The following CWH43 variants were observed in gnomAD, a reference collection of about 807,000 sequenced individuals.
CWH43 encodes PGAP2-interacting protein.
CWH43 carries 91 observed loss-of-function variants against 85.7 expected under a neutral mutation model. The ratio of observed to expected loss-of-function variants is 1.06; its 90% confidence interval spans 0.90 to 1.26. The LOEUF (loss-of-function observed/expected upper bound fraction) is 1.26. Among genes scored for constraint, CWH43 ranks in the 50% most tolerant of loss-of-function variants. CWH43 has a pLI of 0.00. For synonymous variants in CWH43, 323 were observed against 293.6 expected (o/e 1.10, Z -1.02); for missense variants, 869 against 839.2 (o/e 1.04, Z -0.44).
At chr4:49,011,686 A>G (rs1783365660) in intron 8 of CWH43, among the ~76,000 whole-genome samples, 2 of 152,098 alleles carry the variant, frequency 1.3e-5, no homozygotes, top group Admixed American at 1.3e-4. Flanking sequence ...GGTGGTGGCA[A>G]AATCTCTCAG....
intron 8 of CWH43, among the ~76,000 whole-genome samples, chr4:49,014,136 A>G (rs1166538560): frequency 6.6e-6 from 1 of 152,188 alleles, no homozygotes; most frequent in Non-Finnish European, 1.5e-5. Context: ...AAAAACCTTC[A>G]TATATGTTTC....
In CWH43 at chr4:49,032,565, G is replaced by A; in HGVS notation, c.1509-1G>A. 6.2e-7 allele frequency: 1 copy of A among 1,613,914 alleles called. No homozygotes were observed. Among genetic ancestry groups the A allele is most frequent in the Non-Finnish European group, 8.5e-7 (1 of 1,179,890 alleles). On this transcript the variant is annotated splice_acceptor_variant, in intron 11 of 15. Transcript: ENST00000226432. LOFTEE classifies it high-confidence loss of function. The stretch of plus-strand genomic sequence containing the variant: ...CCATGTCTCTTTTCATTCCAATACA[G>A]GATTATGGCTTTGTCAAGATACCCA...
intron 14 of CWH43, among the ~76,000 whole-genome samples, chr4:49,047,459 GA>G (rs1784659142): frequency 6.6e-6 from 1 of 152,256 alleles, no homozygotes; most frequent in Middle Eastern, 3.4e-3. Context: ...GCAGGGGAAG[GA>G]GCTTCCAGAA....
At chr4:49,046,965 G>A (rs186942571) in intron 14 of CWH43, among the ~76,000 whole-genome samples, 2 of 152,270 alleles carry the variant, frequency 1.3e-5, no homozygotes, top group Non-Finnish European at 2.9e-5. Context: ...GGGACAATGT[G>A]GGGAGCCCTG....
At chr4:49,040,115 T>C (rs1326449346) in intron 13 of CWH43, among the ~76,000 whole-genome samples, 2 of 152,208 alleles carry the variant, frequency 1.3e-5, no homozygotes, top group Non-Finnish European at 2.9e-5. Context: ...ATGGTGTATA[T>C]GTGCCACATT....
At chr4:49,030,166 T>G (rs1784049197) in intron 10 of CWH43, among the ~76,000 whole-genome samples, 1 of 152,232 alleles carries the variant, frequency 6.6e-6, no homozygotes, top group East Asian at 1.9e-4. Context: ...TTGATTTGTT[T>G]CAGTGCTCCG....
chr4:49,027,930 G>A (rs187947495), intron 9 of CWH43, among the ~76,000 whole-genome samples: 223 of 152,174 alleles, frequency 1.5e-3, no homozygotes, highest in Admixed American at 5.6e-3. Flanking sequence ...CTTGTAAAGG[G>A]GGCTGTGCTC....
chr4:49,026,564 A>G (rs1176794968), intron 9 of CWH43, among the ~76,000 whole-genome samples: 1 of 118,680 alleles, frequency 8.4e-6, no homozygotes, highest in Non-Finnish European at 1.7e-5. Context: ...CCAAGTCCCC[A>G]AAGTTCATTG....
intron 11 of CWH43, chr4:49,031,349 T>A (rs1339102097): frequency 6.4e-6 from 1 of 157,204 alleles, no homozygotes; most frequent in Non-Finnish European, 1.4e-5. Context: ...GGAGAATAAG[T>A]GGGTGGGCAG....
rs889350207 is a variant in CWH43, at chr4:49,024,787, T to A, written c.1267-3842T>A. Among the ~76,000 whole-genome samples, 152 of 151,842 alleles carry A rather than the reference T, an allele frequency of 1.0e-3. 2 individuals carry two copies. The highest frequency in any genetic ancestry group is 1.5e-4 in the Non-Finnish European group (10 of 67,926). Reference sequence around the variant, plus strand: ...TTTGCCTCATACCTCTTAAGATTCTTTTTTTTTGTCTTGATTTTAGATAAC... The same window carrying A: ...TTTGCCTCATACCTCTTAAGATTCTATTTTTTTGTCTTGATTTTAGATAAC... On this transcript the variant is annotated intron_variant, in intron 9 of 15. Coordinates refer to ENST00000226432, the MANE Select transcript of CWH43 (RefSeq NM_025087.3).
intron 14 of CWH43, 148 bp downstream of exon 14, chr4:49,044,995 T>C: frequency 1.6e-6 from 1 of 621,460 alleles, no homozygotes; most frequent in Non-Finnish European, 2.8e-6. Context: ...TTGATTTGAC[T>C]ATACAGTTTA....
intron 15 of CWH43, among the ~76,000 whole-genome samples, chr4:49,057,827 A>T (rs1785014579): frequency 4.0e-5 from 6 of 151,886 alleles, no homozygotes; most frequent in Admixed American, 3.9e-4. Context: ...TATAATTATT[A>T]TATTATATTG....
chr4:49,041,987 G>T (rs1006554780), intron 13 of CWH43, among the ~76,000 whole-genome samples: 1 of 152,210 alleles, frequency 6.6e-6, no homozygotes, highest in African/African-American at 2.4e-5. Flanking sequence ...AATTTTGGAA[G>T]AAGGGTAAGG....
At position 49,017,393 on chromosome 4, in the gene CWH43, A is replaced by G. The variant is rs147690087; in HGVS notation, c.1266+65A>G. 7.2e-5 allele frequency: 86 copies of G among 1,201,526 alleles called. No individual in the cohort carries two copies. The African/African-American group carries it at 1.2e-3, about 17-fold the overall frequency. 74.4% of individuals were successfully genotyped at this position (1,201,526 alleles called of 1,614,324 possible). A position where few individuals can be genotyped will look rare whatever the true frequency, so the allele number is the denominator to read the frequency against. On this transcript the variant is annotated intron_variant, in intron 9 of 15. Transcript: ENST00000226432. ...ATATATATGTGCATATATTTGTACA[A>G]TTTACCATTCTGATTGAACCTGGAT...
intron 5 of CWH43, among the ~76,000 whole-genome samples, chr4:48,997,747 T>A (rs1782857452): frequency 6.6e-6 from 1 of 152,150 alleles, no homozygotes. Context: ...AAAATGGGGA[T>A]AATATTAGCA....
intron 9 of CWH43, among the ~76,000 whole-genome samples, chr4:49,022,148 C>A (rs1180226608): frequency 2.0e-5 from 3 of 152,120 alleles, no homozygotes; most frequent in Non-Finnish European, 1.5e-5. Context: ...GGAATGCCTT[C>A]AACTTTTCCC....
intron 9 of CWH43, 116 bp downstream of exon 9, chr4:49,017,444 T>G: frequency 6.1e-6 from 4 of 658,300 alleles, no homozygotes; most frequent in Non-Finnish European, 1.0e-5. Context: ...CCCTGGGCCC[T>G]ATCTCCTTAA....
At chr4:49,001,171 A>T (rs1657031348) in intron 6 of CWH43, among the ~76,000 whole-genome samples, 1 of 152,222 alleles carries the variant, frequency 6.6e-6, no homozygotes, top group South Asian at 2.1e-4. Context: ...AAATGTTGAT[A>T]GCAGTTAAAT....
chr4:49,016,503 G>A lies in CWH43; in HGVS notation c.1187-746G>A, dbSNP rs183577135. ...CTCTCAGCCAAGGAGAAGCCACCTT[G>A]GTGACGTTTAGTTCCAACCATTATA... On this transcript the variant is annotated intron_variant, in intron 8 of 15. Coordinates refer to ENST00000226432, the MANE Select transcript of CWH43 (RefSeq NM_025087.3). Among the ~76,000 whole-genome samples, 46 of 152,208 alleles carry A rather than the reference G, an allele frequency of 3.0e-4. No homozygotes were observed. The East Asian group carries it at 6.8e-3, about 22-fold the overall frequency.
Sources: allele counts gnomAD v4.1 joint callset (sites outside exome capture counted in the v4.1 genomes callset), GRCh38; gene constraint gnomAD v4.1.1; transcripts MANE v1.5; gene names NCBI Gene and HGNC (gene_info 2026-07-23, HGNC 2026-07-21).